Variants in AMBRA1 observed in about 807,000 individuals in gnomAD.
AMBRA1 encodes activating molecule in BECN1-regulated autophagy protein 1.
Under a neutral mutation model 125.4 loss-of-function variants are expected in AMBRA1, and 47 were observed. That is an observed-to-expected ratio of 0.37 (90% CI 0.30 to 0.48). AMBRA1 has a LOEUF of 0.48. AMBRA1 is among the 20% of genes least tolerant of loss of function. The probability of loss-of-function intolerance (pLI) is 0.99; values close to 1 mark genes in which losing one functional copy is unlikely to be tolerated. For missense variants in AMBRA1, 1,331 were observed against 1,693.4 expected (o/e 0.79, Z 3.76); for synonymous variants, 626 against 655.5 (o/e 0.95, Z 0.69).
At chr11:46,447,623 T>C (rs565593129) in intron 11 of AMBRA1, among the ~76,000 whole-genome samples, 2 of 152,166 alleles carry the variant, frequency 1.3e-5, no homozygotes, top group East Asian at 3.9e-4. Context: ...TGAGGTGGGA[T>C]AGCTTGAGTC....
intron 1 of AMBRA1, among the ~76,000 whole-genome samples, chr11:46,590,922 AAAAAAGAAAAAC>A (rs1355262448): frequency 6.6e-6 from 1 of 151,998 alleles, no homozygotes; most frequent in Non-Finnish European, 1.5e-5. Context: ...CAAAAAAAAA[AAAAAAGAAAAAC>A]AAAAAGAAAA....
intron 11 of AMBRA1, among the ~76,000 whole-genome samples, chr11:46,447,820 T>C (rs150706946): frequency 6.6e-6 from 1 of 152,222 alleles, no homozygotes; most frequent in Non-Finnish European, 1.5e-5. Context: ...GCCTTTAAAA[T>C]TATGTCTGTC....
chr11:46,505,464 C>T (rs1950997991), intron 9 of AMBRA1, among the ~76,000 whole-genome samples: 1 of 152,066 alleles, frequency 6.6e-6, no homozygotes, highest in Admixed American at 6.5e-5. Flanking sequence ...GTGACTAATC[C>T]ACAGCTGCTA....
intron 14 of AMBRA1, among the ~76,000 whole-genome samples, chr11:46,429,735 T>C (rs1442973490): frequency 6.6e-6 from 1 of 152,188 alleles, no homozygotes; most frequent in Non-Finnish European, 1.5e-5. Flanking sequence ...AGAAAATTAA[T>C]TGCAGTTCTC....
intron 1 of AMBRA1, among the ~76,000 whole-genome samples, chr11:46,574,919 A>C (rs2043901450): frequency 1.3e-5 from 2 of 152,358 alleles, no homozygotes; most frequent in Non-Finnish European, 2.9e-5. Flanking sequence ...GAATAAATGT[A>C]AAACTCCCTA....
intron 1 of AMBRA1, among the ~76,000 whole-genome samples, chr11:46,590,912 CAAAAAAA>C (rs554383816): frequency 5.2e-5 from 4 of 76,728 alleles, no homozygotes; most frequent in Admixed American, 3.2e-4. Flanking sequence ...GACTCCATCT[CAAAAAAA>C]AAAAAAAAGA....
chr11:46,459,736 A>C (rs1949015286), intron 11 of AMBRA1, among the ~76,000 whole-genome samples: 1 of 137,268 alleles, frequency 7.3e-6, no homozygotes. Flanking sequence ...AAAAAAATAC[A>C]CATACACACA....
intron 17 of AMBRA1, among the ~76,000 whole-genome samples, chr11:46,405,758 G>A (rs1170349136): frequency 6.6e-6 from 1 of 151,934 alleles, no homozygotes; most frequent in African/African-American, 2.4e-5. Context: ...TTGAGACAGG[G>A]TCTCACTCTG....
intron 1 of AMBRA1, among the ~76,000 whole-genome samples, chr11:46,562,107 T>C (rs76008953): frequency 6.6e-6 from 1 of 151,170 alleles, no homozygotes; most frequent in Non-Finnish European, 1.5e-5. Context: ...ATATGGCAGG[T>C]GAAAGAAAAC....
chr11:46,473,014 T>C (rs1478589317), intron 11 of AMBRA1, among the ~76,000 whole-genome samples: 2 of 152,234 alleles, frequency 1.3e-5, no homozygotes, highest in Admixed American at 1.3e-4. Flanking sequence ...TAAAGGTATA[T>C]TTTACACACT....
Position 46,548,383 on chromosome 11 carries a change from C to A in AMBRA1, c.-3G>T, listed in dbSNP as rs374464407. 2 of 1,613,522 alleles carry A rather than the reference C, an allele frequency of 1.2e-6. No individual in the cohort carries two copies. Among genetic ancestry groups the A allele is most frequent in the Non-Finnish European group, 1.7e-6 (2 of 1,179,990 alleles). Reference sequence around the variant, plus strand: ...TTCTTTTCTGGGACAACCTTCATGGCGCTCAGTAGCCACTGTCACACCAGG... The same window carrying A: ...TTCTTTTCTGGGACAACCTTCATGGAGCTCAGTAGCCACTGTCACACCAGG... On this transcript the variant is annotated 5_prime_UTR_variant, in exon 2 of 18. Coordinates refer to ENST00000683756, the MANE Select transcript of AMBRA1 (RefSeq NM_001387011.1).
intron 1 of AMBRA1, among the ~76,000 whole-genome samples, chr11:46,559,618 A>C (rs1385870347): frequency 6.6e-6 from 1 of 152,194 alleles, no homozygotes; most frequent in Non-Finnish European, 1.5e-5. Flanking sequence ...GAGAATACTA[A>C]ATACAAAACC....
intron 17 of AMBRA1, among the ~76,000 whole-genome samples, chr11:46,405,360 T>G (rs1945956914): frequency 6.6e-6 from 1 of 152,192 alleles, no homozygotes; most frequent in Non-Finnish European, 1.5e-5. Flanking sequence ...CAGAGAGGCC[T>G]ACTTGTCTTC....
intron 1 of AMBRA1, among the ~76,000 whole-genome samples, chr11:46,578,983 TAA>T (rs2044071827): frequency 1.7e-5 from 1 of 59,496 alleles, no homozygotes; most frequent in Admixed American, 2.0e-4. Context: ...AGTGAATGAA[TAA>T]AGAGGTTAAC....
intron 1 of AMBRA1, among the ~76,000 whole-genome samples, chr11:46,589,343 C>A (rs1303162364): frequency 6.6e-6 from 1 of 152,154 alleles, no homozygotes; most frequent in Non-Finnish European, 1.5e-5. Context: ...ACAGGCTGTA[C>A]CACAGCATTT....
At chr11:46,524,637 G>A (rs957062785) in intron 7 of AMBRA1, among the ~76,000 whole-genome samples, 2 of 152,126 alleles carry the variant, frequency 1.3e-5, no homozygotes, top group East Asian at 3.8e-4. Flanking sequence ...ATTTCACATG[G>A]TTATTATGAT....
At chr11:46,578,056 A>G (rs1174686880) in intron 1 of AMBRA1, among the ~76,000 whole-genome samples, 1 of 152,038 alleles carries the variant, frequency 6.6e-6, no homozygotes, top group Non-Finnish European at 1.5e-5. Flanking sequence ...CTTGAGTTCA[A>G]GGCTACAGTG....
At chr11:46,500,611 G>A (rs954841029) in intron 9 of AMBRA1, among the ~76,000 whole-genome samples, 2 of 152,176 alleles carry the variant, frequency 1.3e-5, no homozygotes, top group African/African-American at 4.8e-5. Flanking sequence ...GGGGCTTTCT[G>A]ATATCTCTCT....
At chr11:46,407,231 T>G (rs1349286163) in intron 17 of AMBRA1, among the ~76,000 whole-genome samples, 1 of 151,900 alleles carries the variant, frequency 6.6e-6, no homozygotes, top group East Asian at 1.9e-4. Context: ...TAAATAAAAA[T>G]AAAAAGAAGG....
Sources: gnomAD v4.1 joint callset for allele counts (sites outside exome capture counted in the v4.1 genomes callset) on GRCh38, gnomAD v4.1.1 for gene constraint, MANE v1.5 for transcripts, NCBI Gene and HGNC (gene_info 2026-07-23, HGNC 2026-07-21) for gene names.